The following NEK10 variants were observed in gnomAD, a reference collection of about 807,000 sequenced individuals.
NEK10 encodes serine/threonine-protein kinase Nek10.
A neutral mutation model predicts 159.8 loss-of-function variants in NEK10; 122 were observed. The observed-to-expected ratio is 0.76, with a 90% CI of 0.66 to 0.89. NEK10 has a LOEUF of 0.89. Among genes scored for constraint, NEK10 ranks in the 40% least tolerant of loss-of-function variants. NEK10 has a pLI of 0.00. For synonymous variants in NEK10, 466 were observed against 457.1 expected, an observed-to-expected ratio of 1.02 and a Z score of -0.25; for missense variants, 1,342 against 1,323.1, an observed-to-expected ratio of 1.01 and a Z score of -0.22.
At chr3:27,261,896 T>G (rs750291450) in intron 22 of NEK10, among the ~76,000 whole-genome samples, 2 of 152,232 alleles carry the variant, frequency 1.3e-5, no homozygotes, top group Non-Finnish European at 2.9e-5. Context: ...GCTTTATCAA[T>G]CGGGGTACCC....
intron 31 of NEK10, among the ~76,000 whole-genome samples, chr3:27,140,458 G>A (rs562600018): frequency 1.1e-4 from 16 of 152,316 alleles, no homozygotes; most frequent in African/African-American, 3.6e-4. Context: ...CAGGCTTTCA[G>A]CAAATACTAG....
In NEK10 at chr3:27,192,184, A is replaced by G; in HGVS notation, c.2350T>C (p.Ser784Pro). The change falls in exon 26 of 36, where the codon TCA becomes CCA. Residue 784 changes from serine to proline, a missense_variant. Transcript: ENST00000691995. ...TCTAAATATTTCATCATGACATCTG[A>G]TATCATCGAACTGACTTCTACAATA... ...PDIVEVSSMI[S>P]DVMMKYLDNL... is the part of the protein sequence containing the mutation. The G allele has an allele frequency of 6.2e-7, 1 of 1,614,176 alleles. No individual in the cohort carries two copies. Among genetic ancestry groups the G allele is most frequent in the South Asian group, 1.1e-5 (1 of 91,086 alleles).
intron 25 of NEK10, among the ~76,000 whole-genome samples, chr3:27,197,375 C>T (rs1245195311): frequency 6.6e-6 from 1 of 151,872 alleles, no homozygotes; most frequent in African/African-American, 2.4e-5. Flanking sequence ...GGGGTTTCAC[C>T]ATGTTGGCCA....
intron 28 of NEK10, among the ~76,000 whole-genome samples, chr3:27,172,359 A>C (rs35647758): frequency 4.5e-5 from 6 of 132,618 alleles, no homozygotes; most frequent in Non-Finnish European, 8.0e-5. Flanking sequence ...AAAAAAAAAA[A>C]CTTAAAATAC....
rs1419118095 is a variant in NEK10 at position 27,366,139 on chromosome 3, T to C, written c.-38+3086A>G. Among the ~76,000 whole-genome samples the C allele has an allele frequency of 3.3e-5, 5 of 152,310 alleles. 1 individual carries two copies. In the East Asian group the frequency reaches 9.6e-4, roughly 29 times the overall value. The stretch of plus-strand genomic sequence containing the variant: ...ACATTTACATGCTCCTGAGGCATAC[T>C]GACCACTGTTCTAAGAAATTTTTCC... On this transcript the variant is annotated intron_variant, in intron 1 of 35. Transcript: ENST00000691995.
At chr3:27,291,216 C>T (rs563371308) in intron 18 of NEK10, 46 bp downstream of exon 18, 69 of 1,571,394 alleles carry the variant, frequency 4.4e-5, no homozygotes, top group African/African-American at 5.5e-5. Flanking sequence ...GTGTGACATC[C>T]GGTTTGGTTG....
At chr3:27,360,051 A>T (rs888076910) in intron 1 of NEK10, among the ~76,000 whole-genome samples, 88 of 152,370 alleles carry the variant, frequency 5.8e-4, no homozygotes, top group African/African-American at 2.0e-3. Context: ...AAAGTTGAGG[A>T]AATCCTGTAA....
At chr3:27,207,004 C>T (rs1950597273) in intron 23 of NEK10, among the ~76,000 whole-genome samples, 1 of 152,132 alleles carries the variant, frequency 6.6e-6, no homozygotes, top group African/African-American at 2.4e-5. Context: ...CAAACCTAGT[C>T]ACTTCAAGCA....
chr3:27,145,304 A>G (rs1944194954), intron 30 of NEK10, among the ~76,000 whole-genome samples: 1 of 152,218 alleles, frequency 6.6e-6, no homozygotes, highest in Admixed American at 6.5e-5. Flanking sequence ...TCCTACTGCA[A>G]AATATATACA....
At chr3:27,352,341 A>G in intron 3 of NEK10, 124 bp downstream of exon 3, 2 of 700,146 alleles carry the variant, frequency 2.9e-6, no homozygotes, top group Middle Eastern at 2.9e-4. Context: ...ATGAAGAAAG[A>G]GCAAAGATGT....
intron 25 of NEK10, among the ~76,000 whole-genome samples, chr3:27,200,301 G>T (rs1306916751): frequency 1.3e-5 from 2 of 152,102 alleles, no homozygotes; most frequent in Admixed American, 6.6e-5. Context: ...CAGAGATGGG[G>T]CTAAGTGCTA....
intron 26 of NEK10, among the ~76,000 whole-genome samples, chr3:27,180,247 T>C (rs1158021390): frequency 6.6e-6 from 1 of 151,544 alleles, no homozygotes; most frequent in Non-Finnish European, 1.5e-5. Context: ...ATATAAAAAT[T>C]AGACAGGCAT....
intron 31 of NEK10, among the ~76,000 whole-genome samples, chr3:27,138,438 G>T (rs1056475255): frequency 1.3e-5 from 2 of 152,130 alleles, no homozygotes; most frequent in Admixed American, 6.5e-5. Flanking sequence ...ACCTAGTGTG[G>T]GAGTGCCCAA....
chr3:27,258,172 A>G (rs1403422199), intron 22 of NEK10, among the ~76,000 whole-genome samples: 1 of 152,174 alleles, frequency 6.6e-6, no homozygotes, highest in East Asian at 1.9e-4. Flanking sequence ...GAATAGTATG[A>G]AAGTAAAATT....
chr3:27,108,122 A>G lies in NEK10; in HGVS notation c.*3150T>C, dbSNP rs1939173680. Among the ~76,000 whole-genome samples the G allele has an allele frequency of 6.6e-6, 1 of 152,228 alleles. No individual in the cohort carries two copies. Among genetic ancestry groups the G allele is most frequent in the African/African-American group, 2.4e-5 (1 of 41,452 alleles). Reference sequence around the variant, plus strand: ...AAATTCATAGTATTTAATGAGTCATAGATGATACTTATAGGAAGACCTAAC... The same window carrying G: ...AAATTCATAGTATTTAATGAGTCATGGATGATACTTATAGGAAGACCTAAC... On this transcript the variant is annotated 3_prime_UTR_variant, in exon 36 of 36. Transcript: ENST00000691995.
intron 29 of NEK10, among the ~76,000 whole-genome samples, chr3:27,171,382 G>C (rs1488748098): frequency 1.3e-5 from 2 of 152,128 alleles, no homozygotes; most frequent in Non-Finnish European, 2.9e-5. Context: ...AAAAGGAAGA[G>C]GGGTGTCTCT....
chr3:27,350,582 C>T (rs949232802), intron 3 of NEK10, among the ~76,000 whole-genome samples: 4 of 151,790 alleles, frequency 2.6e-5, no homozygotes, highest in Admixed American at 1.3e-4. Flanking sequence ...TTTTTAGCAC[C>T]ATCTATTTTC....
Position 27,192,140 on chromosome 3 carries a change from C to T in NEK10, c.2394G>A (p.Gln798=). The T allele has an allele frequency of 1.9e-6, 3 of 1,614,148 alleles. No homozygotes were observed. The highest frequency in any genetic ancestry group is 2.5e-6 in the Non-Finnish European group (3 of 1,179,994). The change falls in exon 26 of 36, where the codon CAG becomes CAA. Residue 798 remains glutamine (Q), a synonymous_variant. Transcript: ENST00000691995. ...MKYLDNLSTS[Q]LSLEKKLERE... is the part of the protein sequence containing the mutation. Reference sequence around the variant, plus strand: ...GTTCTAGCTTCTTTTCCAAGGACAACTGGGATGTAGATAAGTTGTCTAAAT... The same window carrying T: ...GTTCTAGCTTCTTTTCCAAGGACAATTGGGATGTAGATAAGTTGTCTAAAT...
intron 3 of NEK10, among the ~76,000 whole-genome samples, chr3:27,350,538 T>C (rs62255659): frequency 0.22 from 33,952 of 152,148 alleles, 4,289 homozygotes; most frequent in Middle Eastern, 0.36. Flanking sequence ...TTTGTAAACC[T>C]AAGGATCTTC....
Sources: gnomAD v4.1 joint callset for allele counts (sites outside exome capture counted in the v4.1 genomes callset) on GRCh38, gnomAD v4.1.1 for gene constraint, MANE v1.5 for transcripts, NCBI Gene and HGNC (gene_info 2026-07-23, HGNC 2026-07-21) for gene names.